CACNA1E: variants seen among roughly 807,000 people sequenced by gnomAD.
The protein encoded by CACNA1E is calcium voltage-gated channel subunit alpha1 E, also known as voltage-dependent R-type calcium channel subunit alpha-1E.
A neutral mutation model predicts 259.2 loss-of-function variants in CACNA1E; 40 were observed. The observed-to-expected ratio is 0.15, with a 90% confidence interval of 0.12 to 0.20. The LOEUF (loss-of-function observed/expected upper bound fraction) is 0.20, where lower values mean the gene tolerates loss of function less well. Ranked by LOEUF, CACNA1E falls within the 10% of genes least tolerant of loss-of-function variation. The probability of loss-of-function intolerance (pLI) is 1.00; values close to 1 mark genes in which losing one functional copy is unlikely to be tolerated. For missense variants in CACNA1E, 1,874 were observed against 3,040.1 expected, an observed-to-expected ratio of 0.62 and a Z score of 9.02; for synonymous variants, 1,104 against 1,138.5, an observed-to-expected ratio of 0.97 and a Z score of 0.61.
intron 3 of CACNA1E, among the ~76,000 whole-genome samples, chr1:181,545,634 C>G (rs1212398800): frequency 1.3e-5 from 2 of 152,324 alleles, no homozygotes; most frequent in Non-Finnish European, 2.9e-5. Context: ...AATTTCTCCC[C>G]TGAGAACAGG....
At chr1:181,378,612 G>A (rs1389382196) in intron 1 of CACNA1E, among the ~76,000 whole-genome samples, 1 of 152,214 alleles carries the variant, frequency 6.6e-6, no homozygotes, top group Non-Finnish European at 1.5e-5. Flanking sequence ...ATAAGTGCAT[G>A]TATGTGAGGA....
chr1:181,622,008 A>G (rs1655772376), intron 6 of CACNA1E, among the ~76,000 whole-genome samples: 2 of 152,140 alleles, frequency 1.3e-5, no homozygotes, highest in Non-Finnish European at 2.9e-5. Context: ...GGTCTTTGTC[A>G]CTGCCAAGAA....
intron 3 of CACNA1E, among the ~76,000 whole-genome samples, chr1:181,541,430 AG>A (rs1301600248): frequency 6.6e-6 from 1 of 152,066 alleles, no homozygotes; most frequent in African/African-American, 2.4e-5. Context: ...TCTCCCCATT[AG>A]ATAGGTAGAC....
intron 1 of CACNA1E, among the ~76,000 whole-genome samples, chr1:181,502,434 G>A (rs1665329466): frequency 6.6e-6 from 1 of 152,150 alleles, no homozygotes. Context: ...TCCTGCCAGG[G>A]CAGCCATAGG....
At chr1:181,794,159 C>T (rs926916000) in intron 45 of CACNA1E, among the ~76,000 whole-genome samples, 1 of 152,222 alleles carries the variant, frequency 6.6e-6, no homozygotes, top group African/African-American at 2.4e-5. Flanking sequence ...AGGTCTGTGT[C>T]AGGACTGTCT....
rs539225257 is a variant in CACNA1E at position 181,525,962 on chromosome 1, G to A, written c.512+14452G>A. On this transcript the variant is annotated intron_variant, in intron 3 of 47. Coordinates refer to ENST00000367573, the MANE Select transcript of CACNA1E (RefSeq NM_001205293.3). ...GCCCTAAGGAAAGGAGTTTCAGAAA[G>A]CAGTTGCCCAAATTTTTCAGCCTCC... 3.3e-5 allele frequency among the ~76,000 whole-genome samples: 5 copies of A among 152,274 alleles called. No homozygotes were observed. In the East Asian group the frequency reaches 5.8e-4, roughly 18 times the overall value.
intron 1 of CACNA1E, among the ~76,000 whole-genome samples, chr1:181,351,993 G>A (rs1242072690): frequency 6.6e-6 from 1 of 152,184 alleles, no homozygotes; most frequent in Admixed American, 6.5e-5. Flanking sequence ...GACAGTGAGG[G>A]CATAGTCCAT....
chr1:181,621,768 CT>C (rs1311508501), intron 6 of CACNA1E, among the ~76,000 whole-genome samples: 1 of 152,144 alleles, frequency 6.6e-6, no homozygotes, highest in Non-Finnish European at 1.5e-5. Flanking sequence ...TATCAGCCAT[CT>C]TTCAATTTCA....
intron 6 of CACNA1E, among the ~76,000 whole-genome samples, chr1:181,610,480 G>T (rs1487876209): frequency 1.3e-5 from 2 of 152,178 alleles, no homozygotes; most frequent in Non-Finnish European, 2.9e-5. Flanking sequence ...ATACAGTGTG[G>T]TCTGTCTTTG....
chr1:181,633,443 C>T (rs1010346662), intron 6 of CACNA1E, among the ~76,000 whole-genome samples: 2 of 152,014 alleles, frequency 1.3e-5, no homozygotes, highest in Non-Finnish European at 2.9e-5. Flanking sequence ...CAATGAATAC[C>T]ATGGTAGGCA....
chr1:181,447,015 A>G (rs1435060640), intron 2 of CACNA1E, among the ~76,000 whole-genome samples: 1 of 152,162 alleles, frequency 6.6e-6, no homozygotes, highest in African/African-American at 2.4e-5. Context: ...CTGTAGGGTG[A>G]TTTGGTAAGG....
At chr1:181,773,016 C>T (rs1207278681) in intron 37 of CACNA1E, among the ~76,000 whole-genome samples, 4 of 152,192 alleles carry the variant, frequency 2.6e-5, no homozygotes, top group Non-Finnish European at 5.9e-5. Context: ...TTTCTGGTCA[C>T]TCTGAAATTC....
At chr1:181,364,570 A>G (rs375387324) in intron 1 of CACNA1E, among the ~76,000 whole-genome samples, 1 of 152,332 alleles carries the variant, frequency 6.6e-6, no homozygotes, top group African/African-American at 2.4e-5. Flanking sequence ...GGATGGTTCA[A>G]CACAGGGGTT....
intron 26 of CACNA1E, among the ~76,000 whole-genome samples, chr1:181,751,215 T>G (rs1213253338): frequency 6.6e-6 from 1 of 152,168 alleles, no homozygotes; most frequent in African/African-American, 2.4e-5. Flanking sequence ...TCTCAGGGGA[T>G]GAACAGAGAA....
chr1:181,501,941 T>G (rs969803746), intron 1 of CACNA1E, among the ~76,000 whole-genome samples: 1 of 152,190 alleles, frequency 6.6e-6, no homozygotes, highest in East Asian at 1.9e-4. Context: ...GTTTGGTTTT[T>G]TAGTCTTTTT....
At chr1:181,652,478 G>A (rs893521151) in intron 7 of CACNA1E, among the ~76,000 whole-genome samples, 3 of 152,200 alleles carry the variant, frequency 2.0e-5, no homozygotes, top group African/African-American at 4.8e-5. Flanking sequence ...GGAATGACAA[G>A]AGATGAAAGA....
At chr1:181,502,798 A>G (rs1437478643) in intron 1 of CACNA1E, among the ~76,000 whole-genome samples, 2 of 152,096 alleles carry the variant, frequency 1.3e-5, no homozygotes, top group African/African-American at 4.8e-5. Context: ...TCCTGGGTTC[A>G]AGCTATTCTC....
In CACNA1E at chr1:181,727,601, G is replaced by A. The variant is rs115611011; in HGVS notation, c.2240+1439G>A. 9.0e-3 allele frequency among the ~76,000 whole-genome samples: 1,376 copies of A among 152,314 alleles called. 17 individuals carry two copies. The highest frequency in any genetic ancestry group is 0.032 in the African/African-American group (1,324 of 41,560). ...ACCTGTGGTAGAGCTACAGGTAGTCGGCCTGGGCCCTGCGTGGCCTGGTCT... is the reference window on the plus strand; with the variant it reads ...ACCTGTGGTAGAGCTACAGGTAGTCAGCCTGGGCCCTGCGTGGCCTGGTCT... On this transcript the variant is annotated intron_variant, in intron 18 of 47. Coordinates refer to ENST00000367573, the MANE Select transcript of CACNA1E (RefSeq NM_001205293.3).
chr1:181,329,515 CTT>C (rs758250235), intron 1 of CACNA1E, among the ~76,000 whole-genome samples: 29 of 152,036 alleles, frequency 1.9e-4, no homozygotes, highest in Non-Finnish European at 4.0e-4. Context: ...ACTCTGGTCT[CTT>C]TTAAAACACG....
Sources: gnomAD v4.1 joint callset for allele counts (sites outside exome capture counted in the v4.1 genomes callset) on GRCh38, gnomAD v4.1.1 for gene constraint, MANE v1.5 for transcripts, NCBI Gene and HGNC (gene_info 2026-07-23, HGNC 2026-07-21) for gene names.